HS6ST2: variants seen among roughly 807,000 people sequenced by gnomAD.
HS6ST2 encodes heparan sulfate 6-O-sulfotransferase 2, also known as heparan-sulfate 6-O-sulfotransferase 2.
A neutral mutation model predicts 33.0 loss-of-function variants in HS6ST2; 17 were observed. The ratio of observed to expected loss-of-function variants is 0.52; its 90% confidence interval spans 0.35 to 0.77. The LOEUF (loss-of-function observed/expected upper bound fraction) is 0.77, where lower values mean the gene tolerates loss of function less well. HS6ST2 is among the 30% of genes least tolerant of loss of function. The pLI is 0.01. For missense variants in HS6ST2, 519 were observed against 551.7 expected, an observed-to-expected ratio of 0.94 and a Z score of 0.59; for synonymous variants, 248 against 237.1, an observed-to-expected ratio of 1.05 and a Z score of -0.42.
At chrX:132,944,046 T>C (rs1384529711) in intron 2 of HS6ST2, among the ~76,000 whole-genome samples, 3 of 111,095 alleles carry the variant, frequency 2.7e-5, no homozygotes, top group African/African-American at 9.8e-5. Context: ...GGGTATTCAA[T>C]TGGGAAAAGA....
intron 2 of HS6ST2, among the ~76,000 whole-genome samples, chrX:132,909,657 G>A (rs1044673121): frequency 9.0e-6 from 1 of 111,699 alleles, no homozygotes; most frequent in African/African-American, 3.3e-5. Context: ...ATTGAAAGCT[G>A]TGGTTTAATA....
intron 2 of HS6ST2, among the ~76,000 whole-genome samples, chrX:132,932,532 G>A (rs1467931709): frequency 9.0e-6 from 1 of 111,230 alleles, no homozygotes; most frequent in Non-Finnish European, 1.9e-5. Flanking sequence ...ACCCAGTGAA[G>A]GTGGAGGAGA....
intron 2 of HS6ST2, among the ~76,000 whole-genome samples, chrX:132,901,995 C>T (rs1343878043): frequency 9.0e-6 from 1 of 110,911 alleles, no homozygotes; most frequent in Non-Finnish European, 1.9e-5. Context: ...ACGGAGGGCA[C>T]TGAGAAAAAG....
intron 2 of HS6ST2, among the ~76,000 whole-genome samples, chrX:132,757,606 T>TTC (rs373369533): frequency 0.26 from 27,466 of 106,425 alleles, 3,209 homozygotes; most frequent in Non-Finnish European, 0.34. Context: ...GCCCTTTGTG[T>TTC]TCTCTCTCTC....
chrX:132,853,155 T>A (rs1429987709), intron 2 of HS6ST2, among the ~76,000 whole-genome samples: 1 of 111,139 alleles, frequency 9.0e-6, no homozygotes, highest in Non-Finnish European at 1.9e-5. Context: ...CAAAATTTGT[T>A]TTTGTTCTTG....
chrX:132,819,725 T>C (rs1430062041), intron 2 of HS6ST2, among the ~76,000 whole-genome samples: 2 of 111,841 alleles, frequency 1.8e-5, no homozygotes, highest in Admixed American at 1.9e-4. Flanking sequence ...TCCCCTGCCA[T>C]CCCAGAGCCA....
At chrX:132,784,962 G>A (rs947841349) in intron 2 of HS6ST2, among the ~76,000 whole-genome samples, 6 of 111,633 alleles carry the variant, frequency 5.4e-5, no homozygotes, top group South Asian at 7.6e-4. Context: ...TCCTTGGTTC[G>A]GTTCAGAAAA....
chrX:132,761,424 C>T (rs2064804535), intron 2 of HS6ST2, among the ~76,000 whole-genome samples: 1 of 111,083 alleles, frequency 9.0e-6, no homozygotes, highest in African/African-American at 3.3e-5. Flanking sequence ...AGGAGCCCAC[C>T]CCAGCAGGGG....
At chrX:132,677,500 G>T (rs2063932422) in intron 3 of HS6ST2, among the ~76,000 whole-genome samples, 1 of 112,040 alleles carries the variant, frequency 8.9e-6, no homozygotes, top group South Asian at 3.7e-4. Context: ...CCATATACAA[G>T]GTTTTCAGCA....
intron 3 of HS6ST2, among the ~76,000 whole-genome samples, chrX:132,695,828 C>A (rs1225625501): frequency 8.9e-6 from 1 of 111,914 alleles, no homozygotes; most frequent in Non-Finnish European, 1.9e-5. Flanking sequence ...GTGAACACAG[C>A]GTGCTTAAAA....
At chrX:132,761,978 A>G (rs1327977280) in intron 2 of HS6ST2, among the ~76,000 whole-genome samples, 2 of 112,167 alleles carry the variant, frequency 1.8e-5, no homozygotes, top group African/African-American at 6.5e-5. Context: ...AAATGGGATA[A>G]TGCATGCAAA....
At chrX:132,800,730 T>TA (rs775387860) in intron 2 of HS6ST2, among the ~76,000 whole-genome samples, 1 of 111,564 alleles carries the variant, frequency 9.0e-6, no homozygotes, top group South Asian at 3.9e-4. Context: ...TCTAACTGGG[T>TA]AACAGAGTTT....
chrX:132,674,486 A>C (rs1569479851), intron 3 of HS6ST2, among the ~76,000 whole-genome samples: 1 of 111,858 alleles, frequency 8.9e-6, no homozygotes, highest in Non-Finnish European at 1.9e-5. Flanking sequence ...GCCCTCTCCC[A>C]TTCCATTAAC....
At position 132,958,382 on chromosome X, in the gene HS6ST2, G is replaced by A; in HGVS notation, c.221C>T (p.Ala74Val). 1 of 1,198,666 alleles carries A rather than the reference G, an allele frequency of 8.3e-7. No individual in the cohort carries two copies. Among genetic ancestry groups the A allele is most frequent in the Non-Finnish European group, 1.1e-6 (1 of 892,547 alleles). Residue 74 changes from alanine (A) to valine (V), a missense_variant, in exon 1 of 5, where the codon GCG (alanine) becomes GTG (valine). Ala to Val is a moderately conservative substitution (Grantham distance 64). Coordinates refer to ENST00000370833, the MANE Select transcript of HS6ST2 (RefSeq NM_001394073.1). ...TRPLLDKPRKASSSLAGAACA... is the reference protein window; with the variant it reads ...TRPLLDKPRKVSSSLAGAACA... ...CGCGGCTCCCGCCAGGGAAGAAGACGCCTTTCGGGGCTTGTCCAGGAGCGG... is the reference window on the plus strand; with the variant it reads ...CGCGGCTCCCGCCAGGGAAGAAGACACCTTTCGGGGCTTGTCCAGGAGCGG...
chrX:132,801,327 T>G (rs1457438791), intron 2 of HS6ST2, among the ~76,000 whole-genome samples: 1 of 111,632 alleles, frequency 9.0e-6, no homozygotes, highest in African/African-American at 3.3e-5. Context: ...TATAATATCC[T>G]CCTATTTTCT....
intron 2 of HS6ST2, among the ~76,000 whole-genome samples, chrX:132,915,130 G>T (rs1333210048): frequency 8.9e-6 from 1 of 111,888 alleles, no homozygotes; most frequent in Non-Finnish European, 1.9e-5. Flanking sequence ...GCTCCTCCTT[G>T]GTTTGGCACT....
At chrX:132,684,252 C>CAT (rs1374932486) in intron 3 of HS6ST2, among the ~76,000 whole-genome samples, 33 of 102,180 alleles carry the variant, frequency 3.2e-4, no homozygotes, top group African/African-American at 1.1e-3. Context: ...TACACACACA[C>CAT]ATATATATGT....
intron 2 of HS6ST2, among the ~76,000 whole-genome samples, chrX:132,778,500 A>G (rs1035455209): frequency 9.0e-6 from 1 of 110,736 alleles, no homozygotes; most frequent in African/African-American, 3.3e-5. Flanking sequence ...CCCAGGTTCA[A>G]GTGATTCTCC....
At chrX:132,670,726 T>G (rs994775427) in intron 3 of HS6ST2, among the ~76,000 whole-genome samples, 5 of 112,532 alleles carry the variant, frequency 4.4e-5, no homozygotes, top group South Asian at 3.7e-4. Context: ...GGCAGGAGAA[T>G]AGCTTGAACC....
Sources: gnomAD v4.1 joint callset for allele counts (sites outside exome capture counted in the v4.1 genomes callset) on GRCh38, gnomAD v4.1.1 for gene constraint, MANE v1.5 for transcripts, NCBI Gene and HGNC (gene_info 2026-07-23, HGNC 2026-07-21) for gene names.